Variants in RNF150 observed in about 807,000 individuals in gnomAD.
RNF150 encodes ring finger protein 150.
In RNF150, 24 loss-of-function variants were observed where a neutral mutation model predicts 39.3. The observed-to-expected ratio is 0.61, with a 90% CI of 0.44 to 0.86. The LOEUF (loss-of-function observed/expected upper bound fraction) is 0.86. Ranked by LOEUF, RNF150 falls within the 40% of genes least tolerant of loss-of-function variation. The probability of loss-of-function intolerance (pLI) is 0.00; values close to 1 mark genes in which losing one functional copy is unlikely to be tolerated. For synonymous variants in RNF150, 255 were observed against 227.3 expected (o/e 1.12, Z -1.10); for missense variants, 502 against 587.8 (o/e 0.85, Z 1.51).
chr4:140,986,347 T>C (rs1267368830), intron 1 of RNF150, among the ~76,000 whole-genome samples: 1 of 152,132 alleles, frequency 6.6e-6, no homozygotes, highest in Non-Finnish European at 1.5e-5. Context: ...AAAATGAGTC[T>C]CAGCCTGGCT....
intron 2 of RNF150, among the ~76,000 whole-genome samples, chr4:140,950,034 A>G (rs1732483526): frequency 6.6e-6 from 1 of 152,234 alleles, no homozygotes; most frequent in Admixed American, 6.5e-5. Context: ...TTTTTGGTAG[A>G]GAAAATTACC....
chr4:140,990,751 G>T (rs1428589544), intron 1 of RNF150, among the ~76,000 whole-genome samples: 1 of 152,242 alleles, frequency 6.6e-6, no homozygotes, highest in Admixed American at 6.5e-5. Context: ...GGGCATTTGG[G>T]TTAATTCCAT....
intron 1 of RNF150, among the ~76,000 whole-genome samples, chr4:141,061,151 A>T (rs111790816): frequency 1.6e-3 from 246 of 149,232 alleles, no homozygotes; most frequent in African/African-American, 5.8e-3. Context: ...AAAAAAAAGT[A>T]AAAAAAAAAG....
intron 5 of RNF150, among the ~76,000 whole-genome samples, chr4:140,922,652 G>T (rs562875122): frequency 1.3e-5 from 2 of 151,378 alleles, no homozygotes; most frequent in Non-Finnish European, 2.9e-5. Flanking sequence ...AAAAGAGCCC[G>T]CATTGCCAAG....
At chr4:140,929,831 T>C (rs1348709867) in intron 4 of RNF150, among the ~76,000 whole-genome samples, 2 of 152,146 alleles carry the variant, frequency 1.3e-5, no homozygotes, top group South Asian at 4.1e-4. Context: ...GTGGGCCTTA[T>C]GCAATCATTT....
At chr4:141,080,999 T>C (rs1297980008) in intron 1 of RNF150, among the ~76,000 whole-genome samples, 1 of 152,128 alleles carries the variant, frequency 6.6e-6, no homozygotes, top group Non-Finnish European at 1.5e-5. Context: ...ACATGTCCAA[T>C]GCGGTTGTCA....
chr4:140,945,491 T>TTA (rs1288705054), intron 4 of RNF150, among the ~76,000 whole-genome samples: 5 of 149,780 alleles, frequency 3.3e-5, no homozygotes, highest in South Asian at 2.1e-4. Flanking sequence ...TCTCTAGCAA[T>TTA]TATATATATA....
chr4:141,180,389 C>A (rs1350902543), intron 1 of RNF150, among the ~76,000 whole-genome samples: 7 of 152,124 alleles, frequency 4.6e-5, no homozygotes, highest in Admixed American at 1.3e-4. Context: ...ACTTCATTGG[C>A]CAGAACTGGG....
intron 2 of RNF150, among the ~76,000 whole-genome samples, chr4:140,965,471 C>T (rs765716024): frequency 5.3e-5 from 8 of 152,020 alleles, no homozygotes; most frequent in Admixed American, 1.3e-4. Context: ...TTCACGACAG[C>T]GAAGATAGGG....
intron 1 of RNF150, among the ~76,000 whole-genome samples, chr4:141,053,048 G>C (rs1736839206): frequency 6.6e-6 from 1 of 152,116 alleles, no homozygotes; most frequent in South Asian, 2.1e-4. Context: ...TAATAAGGTT[G>C]TGGGTAGGAA....
At chr4:141,090,606 T>C (rs1303275181) in intron 1 of RNF150, among the ~76,000 whole-genome samples, 1 of 152,228 alleles carries the variant, frequency 6.6e-6, no homozygotes, top group Non-Finnish European at 1.5e-5. Flanking sequence ...AGAGAGCCAA[T>C]GTGTCTTCAA....
intron 1 of RNF150, among the ~76,000 whole-genome samples, chr4:141,117,964 T>A (rs141210542): frequency 6.6e-6 from 1 of 152,324 alleles, no homozygotes; most frequent in Non-Finnish European, 1.5e-5. Context: ...TTCCTCATAG[T>A]GTGTTCTCCC....
rs1728734723 is a variant in RNF150, at chr4:140,866,946, T to C, written c.*1315A>G. 6.6e-6 allele frequency: 1 copy of C among 152,220 alleles called. No homozygotes were observed. The highest frequency in any genetic ancestry group is 1.5e-5 in the Non-Finnish European group (1 of 68,036). 9.4% of individuals were successfully genotyped at this position (152,220 alleles called of 1,614,324 possible). ...AAACAGAAACAGTTTAAAAACACCA[T>C]TGGGTTTCAGTATTTACTTGATACC... On this transcript the variant is annotated 3_prime_UTR_variant, in exon 7 of 7. Transcript: ENST00000515673.
chr4:141,090,328 C>CA (rs1738533204), intron 1 of RNF150, among the ~76,000 whole-genome samples: 1 of 152,054 alleles, frequency 6.6e-6, no homozygotes, highest in Non-Finnish European at 1.5e-5. Context: ...ATTTGTAGTG[C>CA]ACCTAAGCTT....
chr4:140,915,047 T>C (rs1243515795), intron 5 of RNF150, among the ~76,000 whole-genome samples: 3 of 152,200 alleles, frequency 2.0e-5, no homozygotes, highest in African/African-American at 7.2e-5. Flanking sequence ...TTGATACTAT[T>C]CAAAGGAGAA....
In RNF150 at chr4:140,992,536, G is replaced by T. The variant is rs1489894541; in HGVS notation, c.485-24663C>A. Among the ~76,000 whole-genome samples, 5 of 152,296 alleles carry T rather than the reference G, an allele frequency of 3.3e-5. No individual in the cohort carries two copies. In the East Asian group the frequency reaches 7.7e-4, roughly 24 times the overall value. ...CAGTCAGCTGGGCCTTGCTCCCACT[G>T]CTGTTAGCGGGAGAGAGGAGAGGCA... On this transcript the variant is annotated intron_variant, in intron 1 of 6. Coordinates refer to ENST00000515673, the MANE Select transcript of RNF150 (RefSeq NM_020724.2).
At chr4:141,018,620 G>GTCACCTTTCCTT (rs1735368154) in intron 1 of RNF150, among the ~76,000 whole-genome samples, 1 of 152,030 alleles carries the variant, frequency 6.6e-6, no homozygotes, top group Admixed American at 6.6e-5. Flanking sequence ...GCCCTTTCCT[G>GTCACCTTTCCTT]TCACCTTTCC....
At chr4:140,969,689 T>C (rs191340389) in intron 1 of RNF150, among the ~76,000 whole-genome samples, 1 of 152,094 alleles carries the variant, frequency 6.6e-6, no homozygotes, top group East Asian at 1.9e-4. Context: ...AAGTACATTT[T>C]TTTTTTTGGG....
chr4:140,908,816 C>G (rs1354688822), intron 6 of RNF150, among the ~76,000 whole-genome samples: 1 of 152,042 alleles, frequency 6.6e-6, no homozygotes, highest in Non-Finnish European at 1.5e-5. Flanking sequence ...AATGCTTTCT[C>G]AGTTGTCATC....
Sources: gnomAD v4.1 joint callset for allele counts (sites outside exome capture counted in the v4.1 genomes callset) on GRCh38, gnomAD v4.1.1 for gene constraint, MANE v1.5 for transcripts, NCBI Gene and HGNC (gene_info 2026-07-23, HGNC 2026-07-21) for gene names.